Variants in WDR20 observed in about 807,000 individuals in gnomAD.
The protein encoded by WDR20 is WD repeat domain 20.
Under a neutral mutation model 38.7 loss-of-function variants are expected in WDR20, and 3 were observed. That is an observed-to-expected ratio of 0.08 (90% CI 0.04 to 0.20). The LOEUF (loss-of-function observed/expected upper bound fraction) is 0.20, where lower values mean the gene tolerates loss of function less well. Among genes scored for constraint, WDR20 ranks in the 10% least tolerant of loss-of-function variants. The pLI is 1.00. For synonymous variants in WDR20, 298 were observed against 285.6 expected (o/e 1.04, Z -0.44); for missense variants, 559 against 727.7 (o/e 0.77, Z 2.67).
chr14:102,165,230 C>T (rs996404113), intron 1 of WDR20, among the ~76,000 whole-genome samples: 5 of 152,176 alleles, frequency 3.3e-5, no homozygotes, highest in Admixed American at 6.5e-5. Flanking sequence ...TCCAGAGCTC[C>T]TGTGCACTGT....
chr14:102,194,918 T>C lies in WDR20; in HGVS notation c.250-20T>C, dbSNP rs1179403487. On this transcript the variant is annotated intron_variant, in intron 1 of 2. Transcript: ENST00000342702. ...CTCAATGTGCTGTTTACTGTATGTA[T>C]TTTTCTCTTTCTCCTCCAGGCTGCT... The C allele has an allele frequency of 1.2e-6, 2 of 1,612,048 alleles. No individual in the cohort carries two copies. Among genetic ancestry groups the C allele is most frequent in the Middle Eastern group, 1.7e-4 (1 of 6,050 alleles).
At chr14:102,214,778 G>T (rs2063007870), downstream of WDR20, 1 of 978,674 alleles carries the variant, frequency 1.0e-6, no homozygotes, top group African/African-American at 1.8e-5. Context: ...ATGAAATATT[G>T]GTAAATTAAA....
chr14:102,166,531 T>C (rs187250413), intron 1 of WDR20, among the ~76,000 whole-genome samples: 57 of 152,366 alleles, frequency 3.7e-4, no homozygotes, highest in African/African-American at 1.3e-3. Context: ...TTTATCAGTT[T>C]CTGATAGATG....
chr14:102,197,156 G>C (rs996126172), intron 2 of WDR20, among the ~76,000 whole-genome samples: 2 of 152,186 alleles, frequency 1.3e-5, no homozygotes, highest in Non-Finnish European at 2.9e-5. Context: ...TGAGGAAATA[G>C]TCAAAGAGCA....
At chr14:102,163,360 G>C (rs1352759795) in intron 1 of WDR20, among the ~76,000 whole-genome samples, 2 of 152,086 alleles carry the variant, frequency 1.3e-5, no homozygotes, top group African/African-American at 4.8e-5. Flanking sequence ...AGGTGCAGTG[G>C]CTCACGCCTG....
intron 1 of WDR20, among the ~76,000 whole-genome samples, chr14:102,173,433 AATTATTATTATTATTATTATTATTATT>A (rs59078063): frequency 1.4e-4 from 19 of 138,878 alleles, no homozygotes; most frequent in Non-Finnish European, 2.4e-4. Context: ...CTTTTTTTAA[AATTATTATTATTATTATTATTATTATT>A]ATTATTATTA....
intron 1 of WDR20, among the ~76,000 whole-genome samples, chr14:102,160,924 G>A (rs1424472096): frequency 1.4e-5 from 2 of 138,412 alleles, no homozygotes; most frequent in East Asian, 4.3e-4. Context: ...TTCCAGCCTG[G>A]GTGACAGGGC....
chr14:102,169,041 G>A (rs1171010355), intron 1 of WDR20, among the ~76,000 whole-genome samples: 1 of 152,158 alleles, frequency 6.6e-6, no homozygotes, highest in Non-Finnish European at 1.5e-5. Flanking sequence ...TTGATACAGT[G>A]CTTTTCCCCT....
At chr14:102,148,688 TG>T (rs2054590532) in intron 1 of WDR20, among the ~76,000 whole-genome samples, 2 of 151,232 alleles carry the variant, frequency 1.3e-5, no homozygotes, top group Non-Finnish European at 2.9e-5. Context: ...TGTGTGTGTG[TG>T]TGTGTGTGTG....
downstream of WDR20, among the ~76,000 whole-genome samples, chr14:102,217,650 T>G (rs2063379869): frequency 6.6e-6 from 1 of 152,156 alleles, no homozygotes; most frequent in Non-Finnish European, 1.5e-5. Context: ...GTGCCGCTTG[T>G]GTGATGTAGA....
At chr14:102,187,417 G>GC (rs1015901312) in intron 1 of WDR20, among the ~76,000 whole-genome samples, 9 of 152,092 alleles carry the variant, frequency 5.9e-5, no homozygotes, top group South Asian at 2.1e-4. Context: ...GCTGGGGGGG[G>GC]GCTCAGGAGG....
chr14:102,213,692 C>G (rs45599635), downstream of WDR20: 3,120 of 985,458 alleles, frequency 3.2e-3, 4 homozygotes, highest in Non-Finnish European at 3.6e-3. Flanking sequence ...CCTCCACTTC[C>G]TGGGGTTCAT....
intron 1 of WDR20, among the ~76,000 whole-genome samples, chr14:102,161,968 G>A (rs1211835): frequency 0.66 from 100,414 of 152,068 alleles, 36,511 homozygotes; most frequent in East Asian, 0.92. Context: ...AAGGAAATAC[G>A]CACTGGTTAA....
Position 102,140,145 on chromosome 14 carries a change from C to T in WDR20, c.222C>T (p.Tyr74=), listed in dbSNP as rs775803680. ...RLCFNVGREL[Y]FYIYKGVRKA... ...GCTTCAATGTGGGCCGGGAGCTGTA[C>T]TTCTATATCTACAAGGGGGTCCGCA... Residue 74 remains tyrosine (Y), a synonymous_variant, in exon 1 of 3, where the codon TAC becomes TAT. Transcript: ENST00000342702. The T allele has an allele frequency of 6.8e-6, 11 of 1,613,566 alleles. No individual in the cohort carries two copies. The highest frequency in any genetic ancestry group is 1.1e-5 in the South Asian group (1 of 91,090).
chr14:102,212,465 C>A, downstream of WDR20: 4 of 1,527,468 alleles, frequency 2.6e-6, no homozygotes. Context: ...CCCTGCAGGG[C>A]GACACCACTC....
intron 2 of WDR20, among the ~76,000 whole-genome samples, chr14:102,200,461 T>TGTG (rs201901921): frequency 0.02 from 2,052 of 100,640 alleles, 33 homozygotes; most frequent in Middle Eastern, 0.027. Flanking sequence ...TTTTAAATTT[T>TGTG]TTTTTTTGTG....
chr14:102,195,706 C>T (rs1426072654), intron 2 of WDR20, among the ~76,000 whole-genome samples: 2 of 152,210 alleles, frequency 1.3e-5, no homozygotes, highest in Non-Finnish European at 1.5e-5. Context: ...CAATTTCATT[C>T]TGGAAAGAGC....
At chr14:102,143,834 C>T (rs1397465051) in intron 1 of WDR20, among the ~76,000 whole-genome samples, 10 of 151,822 alleles carry the variant, frequency 6.6e-5, no homozygotes, top group African/African-American at 1.9e-4. Context: ...TGAGCCACTG[C>T]GCCCGGCCGT....
At chr14:102,166,703 T>C (rs546110360) in intron 1 of WDR20, among the ~76,000 whole-genome samples, 3 of 152,346 alleles carry the variant, frequency 2.0e-5, no homozygotes, top group South Asian at 4.1e-4. Context: ...GTTTTGAGGA[T>C]TGGACAGTTT....
Sources: gnomAD v4.1 joint callset for allele counts (sites outside exome capture counted in the v4.1 genomes callset) on GRCh38, gnomAD v4.1.1 for gene constraint, MANE v1.5 for transcripts, NCBI Gene and HGNC (gene_info 2026-07-23, HGNC 2026-07-21) for gene names.